The following KIF26B variants were observed in gnomAD, a reference collection of about 807,000 sequenced individuals.
KIF26B encodes kinesin-like protein KIF26B.
In KIF26B, 63 loss-of-function variants were observed where a neutral mutation model predicts 151.2. The ratio of observed to expected loss-of-function variants is 0.42; its 90% confidence interval spans 0.34 to 0.51. The LOEUF is 0.51. Ranked by LOEUF, KIF26B falls within the 20% of genes least tolerant of loss-of-function variation. The pLI, the probability that KIF26B is intolerant of heterozygous loss-of-function variation, is 0.07. For synonymous variants in KIF26B, 1,357 were observed against 1,262.1 expected, an observed-to-expected ratio of 1.08 and a Z score of -1.59; for missense variants, 2,813 against 2,913.6, an observed-to-expected ratio of 0.97 and a Z score of 0.79.
chr1:245,532,504 C>G (rs1558202774), intron 4 of KIF26B, among the ~76,000 whole-genome samples: 2 of 152,048 alleles, frequency 1.3e-5, no homozygotes, highest in African/African-American at 4.8e-5. Flanking sequence ...CTCGGCCTCC[C>G]AAAGTGCTGG....
intron 10 of KIF26B, among the ~76,000 whole-genome samples, chr1:245,674,400 T>A (rs190761809): frequency 7.9e-5 from 12 of 152,338 alleles, no homozygotes; most frequent in South Asian, 2.1e-4. Context: ...CCTAATCTGA[T>A]CCTGCAGGTG....
intron 12 of KIF26B, among the ~76,000 whole-genome samples, chr1:245,695,808 C>T (rs1223628008): frequency 2.0e-5 from 2 of 102,248 alleles, no homozygotes; most frequent in African/African-American, 2.9e-5. Context: ...GCAGGACTCT[C>T]CAGGTGTTTT....
intron 10 of KIF26B, among the ~76,000 whole-genome samples, chr1:245,663,533 C>G (rs751629512): frequency 2.6e-5 from 4 of 151,772 alleles, no homozygotes; most frequent in Admixed American, 6.6e-5. Flanking sequence ...TGCCGTGTTT[C>G]TTTGTTTATT....
chr1:245,370,637 C>A (rs978710964), intron 3 of KIF26B: 3 of 456,660 alleles, frequency 6.6e-6, no homozygotes, highest in Non-Finnish European at 1.3e-5. Context: ...GCTGCGCCAG[C>A]GCTGATGAGC....
chr1:245,432,391 GGTTGTCATTTCAAGATGA>G (rs1658802184), intron 4 of KIF26B, among the ~76,000 whole-genome samples: 1 of 152,174 alleles, frequency 6.6e-6, no homozygotes, highest in African/African-American at 2.4e-5. Flanking sequence ...GGGAGTACCT[GGTTGTCATTTCAAGATGA>G]GGATTTGTTA....
At chr1:245,212,017 G>A (rs924450680) in intron 2 of KIF26B, among the ~76,000 whole-genome samples, 1 of 152,156 alleles carries the variant, frequency 6.6e-6, no homozygotes, top group East Asian at 1.9e-4. Flanking sequence ...CCAGCATGGC[G>A]GTTTGGAGTC....
chr1:245,440,436 A>G (rs530207072), intron 4 of KIF26B, among the ~76,000 whole-genome samples: 36 of 152,322 alleles, frequency 2.4e-4, no homozygotes, highest in African/African-American at 8.7e-4. Context: ...GGGAAGAAGC[A>G]GCCTTAGGGA....
intron 12 of KIF26B, 150 bp downstream of exon 12, chr1:245,688,957 C>G: frequency 9.4e-7 from 1 of 1,061,616 alleles, no homozygotes; most frequent in Admixed American, 3.1e-5. Flanking sequence ...AACCCCACTG[C>G]CAGGGTGTCC....
chr1:245,408,068 A>G (rs1369204060), intron 3 of KIF26B, among the ~76,000 whole-genome samples: 1 of 152,192 alleles, frequency 6.6e-6, no homozygotes, highest in Middle Eastern at 3.2e-3. Flanking sequence ...AGCCGCCCCC[A>G]GGTGATTCTG....
At chr1:245,383,469 T>C (rs983847984) in intron 3 of KIF26B, among the ~76,000 whole-genome samples, 1 of 152,046 alleles carries the variant, frequency 6.6e-6, no homozygotes, top group Non-Finnish European at 1.5e-5. Context: ...TGTATTGGAG[T>C]TTCTGTTCAA....
In KIF26B at chr1:245,709,358, A is replaced by G. The variant is rs1042806412; in HGVS notation, c.*6752A>G. 3.9e-5 allele frequency: 6 copies of G among 152,182 alleles called. No individual in the cohort carries two copies. Among genetic ancestry groups the G allele is most frequent in the Non-Finnish European group, 5.9e-5 (4 of 68,042 alleles). The allele number at this position is 152,182 out of a possible 1,614,324, so 9.4% of individuals were successfully genotyped here. On this transcript the variant is annotated 3_prime_UTR_variant, in exon 15 of 15. Coordinates refer to ENST00000407071, the MANE Select transcript of KIF26B (RefSeq NM_018012.4). Reference sequence around the variant, plus strand: ...ACTTTTTGTGGCATATGAGGTGTAAAATGTTGTCAAAAAAGAATCTGGTGT... The same window carrying G: ...ACTTTTTGTGGCATATGAGGTGTAAGATGTTGTCAAAAAAGAATCTGGTGT...
In KIF26B at chr1:245,437,767, C is replaced by T. The variant is rs1453095214; in HGVS notation, c.1166+18022C>T. On this transcript the variant is annotated intron_variant, in intron 4 of 14. Coordinates refer to ENST00000407071, the MANE Select transcript of KIF26B (RefSeq NM_018012.4). ...CTATACACCTGGAGCTTCAAAATTA[C>T]ATGCCGTTAATTCTTTGATTGCCCC... Among the ~76,000 whole-genome samples, 3 of 152,308 alleles carry T rather than the reference C, an allele frequency of 2.0e-5. No individual in the cohort carries two copies. The East Asian group carries it at 5.8e-4, about 29-fold the overall frequency.
chr1:245,431,345 ATTTT>A (rs796518387), intron 4 of KIF26B, among the ~76,000 whole-genome samples: 1 of 136,362 alleles, frequency 7.3e-6, no homozygotes. Flanking sequence ...TGCCCAGCTA[ATTTT>A]TTTTTTTTTT....
In KIF26B at chr1:245,572,297, G is replaced by T. The variant is rs1302383226; in HGVS notation, c.1351-30280G>T. On this transcript the variant is annotated intron_variant, in intron 5 of 14. Coordinates refer to ENST00000407071, the MANE Select transcript of KIF26B (RefSeq NM_018012.4). The surrounding 1 kb of genome is among the most constrained non-coding windows in gnomAD (Gnocchi z 4.2). The stretch of plus-strand genomic sequence containing the variant: ...GTGATCCCTTTTGGAGACAGAAGGA[G>T]GTAGACGTGCTTTTGTGTTTCCGAC... Among the ~76,000 whole-genome samples, 1 of 152,160 alleles carries T rather than the reference G, an allele frequency of 6.6e-6. No homozygotes were observed. The highest frequency in any genetic ancestry group is 1.5e-5 in the Non-Finnish European group (1 of 68,026).
chr1:245,442,417 G>T (rs1416777707), intron 4 of KIF26B, among the ~76,000 whole-genome samples: 1 of 152,120 alleles, frequency 6.6e-6, no homozygotes, highest in South Asian at 2.1e-4. Context: ...TTAGGTCGGG[G>T]TCCCCAGAAG....
intron 5 of KIF26B, among the ~76,000 whole-genome samples, chr1:245,549,914 G>A (rs1157750450): frequency 6.6e-6 from 1 of 152,110 alleles, no homozygotes; most frequent in African/African-American, 2.4e-5. Flanking sequence ...CCAAGTAGCT[G>A]GGATTACAGG....
intron 4 of KIF26B, among the ~76,000 whole-genome samples, chr1:245,446,204 A>G (rs1410755311): frequency 1.3e-5 from 2 of 152,216 alleles, no homozygotes; most frequent in East Asian, 3.8e-4. Context: ...CAGTTGTAAG[A>G]CAGTGCTAAG....
intron 2 of KIF26B, among the ~76,000 whole-genome samples, chr1:245,324,233 T>C (rs1034848958): frequency 5.3e-5 from 8 of 152,096 alleles, no homozygotes; most frequent in African/African-American, 1.7e-4. Context: ...TTGATGTGGG[T>C]TCTGCACAGC....
chr1:245,649,194 C>T (rs566402469), intron 10 of KIF26B, among the ~76,000 whole-genome samples: 8 of 152,328 alleles, frequency 5.3e-5, no homozygotes, highest in African/African-American at 1.9e-4. Flanking sequence ...CAATATTTGG[C>T]ATCTGCAAAT....
Sources: gnomAD v4.1 joint callset for allele counts (sites outside exome capture counted in the v4.1 genomes callset) on GRCh38, gnomAD v4.1.1 for gene constraint, Gnocchi (gnomAD v3.1) non-coding constraint, MANE v1.5 for transcripts, NCBI Gene and HGNC (gene_info 2026-07-23, HGNC 2026-07-21) for gene names.